MATN2: variants seen among roughly 807,000 people sequenced by gnomAD.
MATN2 encodes the protein matrilin-2.
A neutral mutation model predicts 103.2 loss-of-function variants in MATN2; 69 were observed. That is an observed-to-expected ratio of 0.67 (90% CI 0.55 to 0.82). MATN2 has a LOEUF of 0.82. MATN2 is among the 40% of genes least tolerant of loss of function. The pLI is 0.00. For synonymous variants in MATN2, 429 were observed against 450.2 expected (o/e 0.95, Z 0.60); for missense variants, 1,023 against 1,211.5 (o/e 0.84, Z 2.31).
At position 98,005,921 on chromosome 8, in the gene MATN2, G is replaced by C. The variant is rs1179458673; in HGVS notation, c.1328-1184G>C. Among the ~76,000 whole-genome samples, 4 of 152,194 alleles carry C rather than the reference G, an allele frequency of 2.6e-5. No homozygotes were observed. Among genetic ancestry groups the C allele is most frequent in the African/African-American group, 7.2e-5 (3 of 41,444 alleles). On this transcript the variant is annotated intron_variant, in intron 8 of 18. Coordinates refer to ENST00000254898, the MANE Select transcript of MATN2 (RefSeq NM_002380.5). This position sits in a 1 kb window ranked among gnomAD's most constrained non-coding sequence, Gnocchi z 4.6. ...AGCTCCCAAGATCCAGCAAGTGTTCGCAGGAGATGCATCCACCAGTGGAAT... is the reference window on the plus strand; with the variant it reads ...AGCTCCCAAGATCCAGCAAGTGTTCCCAGGAGATGCATCCACCAGTGGAAT...
rs900075482 is a variant in MATN2 at position 97,931,596 on chromosome 8, T to A, written c.712+74T>A. The stretch of plus-strand genomic sequence containing the variant: ...TTCATTCATCTTCAAGTGTTCATTC[T>A]GTGTTACTATGTCCCAGGTACTGTG... On this transcript the variant is annotated intron_variant, in intron 3 of 18. Transcript: ENST00000254898. The surrounding 1 kb of genome is among the most constrained non-coding windows in gnomAD (Gnocchi z 4.1). 7.3e-7 allele frequency: 1 copy of A among 1,366,168 alleles called. No individual in the cohort carries two copies. Among genetic ancestry groups the A allele is most frequent in the East Asian group, 2.3e-5 (1 of 43,088 alleles). The allele number at this position is 1,366,168 out of a possible 1,614,324, so 84.6% of individuals were successfully genotyped here. A position where few individuals can be genotyped will look rare whatever the true frequency, so the allele number is the denominator to read the frequency against.
At chr8:97,945,717 A>AAAAAAT (rs59472539) in intron 4 of MATN2, among the ~76,000 whole-genome samples, 10,885 of 121,544 alleles carry the variant, frequency 0.09, 545 homozygotes, top group Middle Eastern at 0.12. Flanking sequence ...AAAAAAAAAA[A>AAAAAAT]ATATATATAT....
At position 97,931,952 on chromosome 8, in the gene MATN2, C is replaced by T. The variant is rs1025580119; in HGVS notation, c.712+430C>T. Among the ~76,000 whole-genome samples, 2 of 152,216 alleles carry T rather than the reference C, an allele frequency of 1.3e-5. No homozygotes were observed. The highest frequency in any genetic ancestry group is 4.8e-5 in the African/African-American group (2 of 41,454). On this transcript the variant is annotated intron_variant, in intron 3 of 18. Transcript: ENST00000254898. The surrounding 1 kb of genome is among the most constrained non-coding windows in gnomAD (Gnocchi z 4.1). ...TCCTGGCTTCAAGCGATCCTCCTGC[C>T]TCAACCTCCCAAAGTGCTGGGATTA...
chr8:97,931,516 T>C lies in MATN2; in HGVS notation c.706T>C (p.Leu236=), dbSNP rs374084643. Residue 236 remains leucine (L), a synonymous_variant, in exon 3 of 19, where the codon TTG becomes CTG. Coordinates refer to ENST00000254898, the MANE Select transcript of MATN2 (RefSeq NM_002380.5). This position sits in a 1 kb window ranked among gnomAD's most constrained non-coding sequence, Gnocchi z 4.1. ...GCTGACCTCCGTGTTCCAGAAGAAGTTGTGCAGTAAGTCCTGCTCCTTTGT... is the reference window on the plus strand; with the variant it reads ...GCTGACCTCCGTGTTCCAGAAGAAGCTGTGCAGTAAGTCCTGCTCCTTTGT... The part of the protein sequence containing the change: ...ETLTSVFQKK[L]CTAHMCSTLE... 1,231 of 1,604,316 alleles carry C rather than the reference T, an allele frequency of 7.7e-4. 2 individuals carry two copies. The highest frequency in any genetic ancestry group is 9.3e-4 in the Non-Finnish European group (1,091 of 1,175,770).
intron 1 of MATN2, 123 bp downstream of exon 1, chr8:97,869,410 C>T (rs895459238): frequency 1.3e-5 from 2 of 151,926 alleles, no homozygotes; most frequent in Admixed American, 6.6e-5. Context: ...TCCCCAGGCC[C>T]GCACTGCAGC....
At chr8:97,884,179 T>C (rs1450860866) in intron 1 of MATN2, among the ~76,000 whole-genome samples, 2 of 151,832 alleles carry the variant, frequency 1.3e-5, no homozygotes, top group Non-Finnish European at 2.9e-5. Flanking sequence ...TTGCTCTTGT[T>C]GCCCAGGTTG....
chr8:97,904,394 C>G (rs1172131460), intron 2 of MATN2, among the ~76,000 whole-genome samples: 2 of 152,180 alleles, frequency 1.3e-5, no homozygotes, highest in Non-Finnish European at 2.9e-5. Context: ...AATGACAGTT[C>G]ATAATACTGA....
chr8:98,009,427 C>T (rs1339523652), intron 10 of MATN2, among the ~76,000 whole-genome samples: 1 of 152,184 alleles, frequency 6.6e-6, no homozygotes, highest in Non-Finnish European at 1.5e-5. Flanking sequence ...TCAGGCCTGG[C>T]TCAGCAGATA....
chr8:98,029,350 T>G (rs554017612), intron 14 of MATN2, among the ~76,000 whole-genome samples: 1 of 152,304 alleles, frequency 6.6e-6, no homozygotes, highest in South Asian at 2.1e-4. Flanking sequence ...GGAAGCATCT[T>G]AGTCTCCAGA....
At chr8:97,933,936 G>A (rs542448476) in intron 3 of MATN2, among the ~76,000 whole-genome samples, 1 of 152,126 alleles carries the variant, frequency 6.6e-6, no homozygotes, top group Non-Finnish European at 1.5e-5. Context: ...AAAGCCCCAG[G>A]AGGCAGGCAG....
intron 6 of MATN2, among the ~76,000 whole-genome samples, chr8:97,985,056 A>G (rs1376175427): frequency 6.6e-6 from 1 of 152,180 alleles, no homozygotes; most frequent in Admixed American, 6.5e-5. Flanking sequence ...TGTTGCTATA[A>G]AGGAACACCT....
chr8:97,876,350 C>T lies in MATN2; in HGVS notation c.-27+7063C>T, dbSNP rs548119462. On this transcript the variant is annotated intron_variant, in intron 1 of 18. Coordinates refer to ENST00000254898, the MANE Select transcript of MATN2 (RefSeq NM_002380.5). ...GATTACAGGCATGCACCACCATGCC[C>T]GGCTAATTTTGTATTTTTAGTTGAG... Among the ~76,000 whole-genome samples the T allele has an allele frequency of 3.9e-5, 6 of 152,182 alleles. No individual in the cohort carries two copies. In the South Asian group the frequency reaches 8.3e-4, roughly 21 times the overall value.
intron 12 of MATN2, among the ~76,000 whole-genome samples, chr8:98,019,263 T>C (rs1813492442): frequency 6.6e-6 from 1 of 151,520 alleles, no homozygotes; most frequent in African/African-American, 2.4e-5. Context: ...AGGAAAAGAT[T>C]GGTTGATTTT....
At chr8:97,997,020 G>C (rs1166856311) in intron 7 of MATN2, among the ~76,000 whole-genome samples, 2 of 152,208 alleles carry the variant, frequency 1.3e-5, no homozygotes, top group South Asian at 2.1e-4. Flanking sequence ...ATTTGTTCTT[G>C]CTCCTCATCT....
chr8:98,033,896 C>T (rs914453817), intron 18 of MATN2: 2 of 519,370 alleles, frequency 3.9e-6, no homozygotes, highest in Non-Finnish European at 6.9e-6. Flanking sequence ...TTCTCGGGGG[C>T]TTAGCAATAA....
intron 18 of MATN2, among the ~76,000 whole-genome samples, chr8:98,034,764 C>T (rs1421177552): frequency 1.3e-5 from 2 of 152,148 alleles, no homozygotes; most frequent in East Asian, 3.9e-4. Flanking sequence ...TCCGTATCGC[C>T]CTTTGCTTCT....
chr8:97,871,648 T>G (rs1040808076), intron 1 of MATN2, among the ~76,000 whole-genome samples: 1 of 152,002 alleles, frequency 6.6e-6, no homozygotes, highest in African/African-American at 2.4e-5. Flanking sequence ...AAGGGGAGAA[T>G]GGGGAATGTC....
chr8:97,893,727 C>T (rs972952924), intron 2 of MATN2, among the ~76,000 whole-genome samples: 2 of 152,132 alleles, frequency 1.3e-5, no homozygotes, highest in Admixed American at 1.3e-4. Context: ...CAGGTGCCTG[C>T]CACCACGCCC....
Position 98,007,320 on chromosome 8 carries a change from C to T in MATN2, c.1450+93C>T. The T allele has an allele frequency of 1.3e-6, 2 of 1,574,712 alleles. No individual in the cohort carries two copies. Among genetic ancestry groups the T allele is most frequent in the Non-Finnish European group, 1.7e-6 (2 of 1,151,660 alleles). On this transcript the variant is annotated intron_variant, in intron 9 of 18. Coordinates refer to ENST00000254898, the MANE Select transcript of MATN2 (RefSeq NM_002380.5). The surrounding 1 kb of genome is among the most constrained non-coding windows in gnomAD (Gnocchi z 4.2). ...AGGGCACAGGTTGTACTTGGGCACC[C>T]CTCCCCTGCCCCTTGCTCTGCTCCA...
Sources: allele counts gnomAD v4.1 joint callset (sites outside exome capture counted in the v4.1 genomes callset), GRCh38; gene constraint gnomAD v4.1.1; non-coding constraint Gnocchi (gnomAD v3.1); transcripts MANE v1.5; gene names NCBI Gene and HGNC (gene_info 2026-07-23, HGNC 2026-07-21).